Variants in PLCZ1 observed in about 807,000 individuals in gnomAD.
PLCZ1 encodes the protein phospholipase C zeta 1.
In PLCZ1, 64 loss-of-function variants were observed where a neutral mutation model predicts 76.8. The observed-to-expected ratio is 0.83, with a 90% CI of 0.68 to 1.03. PLCZ1 has a LOEUF of 1.03. Ranked by LOEUF, PLCZ1 falls within the 50% of genes least tolerant of loss-of-function variation. The pLI is 0.00. For synonymous variants in PLCZ1, 248 were observed against 230.8 expected, an observed-to-expected ratio of 1.07 and a Z score of -0.68; for missense variants, 751 against 713.7, an observed-to-expected ratio of 1.05 and a Z score of -0.60.
At chr12:18,733,876 T>C (rs1275876038) in intron 3 of PLCZ1, among the ~76,000 whole-genome samples, 1 of 152,220 alleles carries the variant, frequency 6.6e-6, no homozygotes, top group African/African-American at 2.4e-5. Flanking sequence ...GTATTTTAAA[T>C]ACATTTGGAA....
chr12:18,716,537 G>T (rs1163204920), intron 5 of PLCZ1, among the ~76,000 whole-genome samples: 1 of 152,170 alleles, frequency 6.6e-6, no homozygotes, highest in Non-Finnish European at 1.5e-5. Flanking sequence ...TGGAAACAGA[G>T]AAAATTTCTC....
At chr12:18,648,563 T>A in the PLCZ1 span, 1 of 167,132 alleles carries the variant, frequency 6.0e-6, no homozygotes, top group African/African-American at 2.4e-5. Flanking sequence ...AATCCTGAAA[T>A]TCTTACATTC....
chr12:18,701,975 C>T (rs1459482925), intron 7 of PLCZ1, among the ~76,000 whole-genome samples, 199 bp from the exon 8 acceptor site: 1 of 152,000 alleles, frequency 6.6e-6, no homozygotes, highest in Non-Finnish European at 1.5e-5. Context: ...TTGTAATTCA[C>T]CAAAAAATAA....
At chr12:18,731,533 C>CT (rs34568267) in intron 3 of PLCZ1, among the ~76,000 whole-genome samples, 59,970 of 94,352 alleles carry the variant, frequency 0.64, 21,042 homozygotes, top group East Asian at 0.95. Context: ...AATAAGCTGT[C>CT]TTTTTTTTTT....
intron 9 of PLCZ1, among the ~76,000 whole-genome samples, chr12:18,700,512 C>CAAA (rs11324526): frequency 0.082 from 5,523 of 67,644 alleles, 988 homozygotes; most frequent in East Asian, 0.31. Flanking sequence ...AGCCAACGTA[C>CAAA]AAAAAAAAAA....
chr12:18,729,740 G>C (rs1311390035), intron 3 of PLCZ1, among the ~76,000 whole-genome samples: 1 of 151,836 alleles, frequency 6.6e-6, no homozygotes, highest in East Asian at 1.9e-4. Context: ...TTAGTAAAGG[G>C]ATTTAAAAAA....
chr12:18,715,341 C>G (rs1957852722), intron 5 of PLCZ1, among the ~76,000 whole-genome samples: 1 of 151,728 alleles, frequency 6.6e-6, no homozygotes, highest in East Asian at 1.9e-4. Flanking sequence ...CTTCACCAAC[C>G]AAGCCAAATC....
the PLCZ1 span, among the ~76,000 whole-genome samples, chr12:18,650,200 C>A: frequency 6.6e-6 from 1 of 151,786 alleles, no homozygotes; most frequent in South Asian, 2.1e-4. Context: ...TCTTTTCCCC[C>A]AGACCTGTTT....
At chr12:18,655,696 G>T in the PLCZ1 span, among the ~76,000 whole-genome samples, 5 of 151,668 alleles carry the variant, frequency 3.3e-5, no homozygotes, top group Admixed American at 6.6e-5. Context: ...GATGAAAGTG[G>T]CACTTTACCT....
At chr12:18,684,673 T>C (rs1184190411) in intron 13 of PLCZ1, among the ~76,000 whole-genome samples, 2 of 152,102 alleles carry the variant, frequency 1.3e-5, no homozygotes, top group African/African-American at 4.8e-5. Flanking sequence ...ATATGACTGA[T>C]GTACTTAGGC....
intron 4 of PLCZ1, among the ~76,000 whole-genome samples, chr12:18,721,237 A>C (rs1958418248): frequency 6.6e-6 from 1 of 152,136 alleles, no homozygotes; most frequent in African/African-American, 2.4e-5. Context: ...GTTTGAAATA[A>C]GGATTAATCA....
At chr12:18,727,183 G>GA (rs1412732312) in intron 3 of PLCZ1, among the ~76,000 whole-genome samples, 1 of 148,956 alleles carries the variant, frequency 6.7e-6, no homozygotes, top group East Asian at 2.0e-4. Context: ...GTCTCTAAAT[G>GA]TAAAAAAAAA....
At chr12:18,705,371 G>T in intron 6 of PLCZ1, 56 bp from the exon 7 acceptor site, 1 of 1,566,090 alleles carries the variant, frequency 6.4e-7, no homozygotes, top group Non-Finnish European at 8.8e-7. Context: ...TAATTGTAAG[G>T]CAATTAATAT....
the PLCZ1 span, among the ~76,000 whole-genome samples, chr12:18,649,567 G>A: frequency 3.0e-4 from 46 of 152,080 alleles, no homozygotes; most frequent in African/African-American, 1.1e-3. Context: ...GCTCCTCTTT[G>A]CAGCAAAACT....
intron 5 of PLCZ1, among the ~76,000 whole-genome samples, chr12:18,718,289 C>G (rs1166402615): frequency 6.6e-6 from 1 of 152,170 alleles, no homozygotes; most frequent in Non-Finnish European, 1.5e-5. Flanking sequence ...AGCTATATCA[C>G]CTGCACTGCT....
chr12:18,697,389 A>T (rs1387873617), intron 10 of PLCZ1, among the ~76,000 whole-genome samples: 1 of 152,176 alleles, frequency 6.6e-6, no homozygotes, highest in Non-Finnish European at 1.5e-5. Context: ...TCCAAGTATC[A>T]TGCTCCCTTA....
chr12:18,650,642 T>C, the PLCZ1 span, among the ~76,000 whole-genome samples: 8 of 135,678 alleles, frequency 5.9e-5, no homozygotes, highest in Non-Finnish European at 9.6e-5. Context: ...AAATACCTAT[T>C]ATTTACATAA....
the PLCZ1 span, among the ~76,000 whole-genome samples, chr12:18,665,163 T>C: frequency 9.4e-5 from 14 of 148,626 alleles, no homozygotes. Context: ...ATAATAATAA[T>C]AAAAAATAAA....
the PLCZ1 span, among the ~76,000 whole-genome samples, chr12:18,673,668 C>G: frequency 4.6e-5 from 7 of 152,202 alleles, no homozygotes; most frequent in African/African-American, 1.7e-4. Flanking sequence ...AATCCAGGCA[C>G]AGCTACTGGG....
Sources: gnomAD v4.1 joint callset for allele counts (sites outside exome capture counted in the v4.1 genomes callset) on GRCh38, gnomAD v4.1.1 for gene constraint, MANE v1.5 for transcripts, NCBI Gene and HGNC (gene_info 2026-07-23, HGNC 2026-07-21) for gene names.